Variants in SLC12A7 observed in about 807,000 individuals in gnomAD.
SLC12A7 encodes the protein K-Cl cotransporter 4.
SLC12A7 carries 100 observed loss-of-function variants against 120.6 expected under a neutral mutation model. The ratio of observed to expected loss-of-function variants is 0.83; its 90% confidence interval spans 0.71 to 0.98. The LOEUF is 0.98. Among genes scored for constraint, SLC12A7 ranks in the 50% least tolerant of loss-of-function variants. The pLI is 0.00. For missense variants in SLC12A7, 1,373 were observed against 1,548.1 expected (o/e 0.89, Z 1.90); for synonymous variants, 760 against 678.0 (o/e 1.12, Z -1.88).
At chr5:1,068,713 C>T (rs1737315301) in intron 17 of SLC12A7, among the ~76,000 whole-genome samples, 1 of 152,274 alleles carries the variant, frequency 6.6e-6, no homozygotes, top group South Asian at 2.1e-4. Context: ...CCAGACCCCC[C>T]AGCCGAAGGG....
At chr5:1,085,043 C>T (rs377695385) in intron 7 of SLC12A7, among the ~76,000 whole-genome samples, 189 bp downstream of exon 7, 19 of 152,362 alleles carry the variant, frequency 1.2e-4, no homozygotes, top group Middle Eastern at 3.4e-3. Flanking sequence ...GAGGGTACCT[C>T]GGCCCACCTC....
chr5:1,068,972 T>G (rs1199821079), intron 17 of SLC12A7, among the ~76,000 whole-genome samples: 1 of 152,262 alleles, frequency 6.6e-6, no homozygotes, highest in Non-Finnish European at 1.5e-5. Flanking sequence ...GGATTCCTCC[T>G]AAGAGCATTC....
chr5:1,085,789 T>G (rs887484974), intron 6 of SLC12A7, among the ~76,000 whole-genome samples: 1 of 152,040 alleles, frequency 6.6e-6, no homozygotes, highest in Non-Finnish European at 1.5e-5. Flanking sequence ...CCGGGAGCCT[T>G]AGAGTAAAGC....
At chr5:1,094,625 C>A (rs1276756488) in intron 1 of SLC12A7, among the ~76,000 whole-genome samples, 2 of 152,210 alleles carry the variant, frequency 1.3e-5, no homozygotes. Flanking sequence ...AGCTGTTCAG[C>A]CCAGGGCAAG....
At chr5:1,080,936 C>T (rs1396485091) in intron 9 of SLC12A7, among the ~76,000 whole-genome samples, 1 of 152,132 alleles carries the variant, frequency 6.6e-6, no homozygotes, top group African/African-American at 2.4e-5. Context: ...TCAGCCACTT[C>T]CCCTGAGCCA....
At chr5:1,080,761 C>CG (rs955565500) in intron 9 of SLC12A7, among the ~76,000 whole-genome samples, 27 of 152,202 alleles carry the variant, frequency 1.8e-4, no homozygotes, top group Non-Finnish European at 7.3e-5. Context: ...CACAGAGGGC[C>CG]GAGGTCCCCG....
At chr5:1,145,595 G>T in the SLC12A7 span, among the ~76,000 whole-genome samples, 71 of 152,264 alleles carry the variant, frequency 4.7e-4, no homozygotes, top group African/African-American at 1.7e-3. This position sits in a 1 kb window ranked among gnomAD's most constrained non-coding sequence, Gnocchi z 4.4. Flanking sequence ...AAACAGGAAG[G>T]TCCCTGGACA....
intron 3 of SLC12A7, 101 bp from the exon 4 acceptor site, chr5:1,089,229 G>T (rs1326888762): frequency 1.0e-5 from 12 of 1,155,040 alleles, no homozygotes; most frequent in Non-Finnish European, 1.3e-5. Flanking sequence ...AAGCGGCCGT[G>T]GGGGCAGGAG....
chr5:1,122,269 G>A, the SLC12A7 span, among the ~76,000 whole-genome samples: 1 of 152,130 alleles, frequency 6.6e-6, no homozygotes, highest in Admixed American at 6.5e-5. Flanking sequence ...CGGCAGGGCT[G>A]TGCGAGGCGG....
rs1738141795 is a variant in SLC12A7, at chr5:1,074,819, AC to A, written c.1968-149del. 3 of 703,684 alleles carry A rather than the reference AC, an allele frequency of 4.3e-6. No individual in the cohort carries two copies. In the Admixed American group the frequency reaches 7.5e-5, roughly 18 times the overall value. The allele number at this position is 703,684 out of a possible 1,614,324, so 43.6% of individuals were successfully genotyped here. On this transcript the variant is annotated intron_variant, in intron 15 of 23. Coordinates refer to ENST00000264930, the MANE Select transcript of SLC12A7 (RefSeq NM_006598.3). ...GATGAGGAGGGAGGCCTCCATGCCCACCCTTGCCCTGAAGGGAGCCCGTCCT... is the reference window on the plus strand; with the variant it reads ...GATGAGGAGGGAGGCCTCCATGCCCACCTTGCCCTGAAGGGAGCCCGTCCT...
rs888705875 is a variant in SLC12A7 at position 1,060,457 on chromosome 5, A to G, written c.2740-6T>C. On this transcript the variant is annotated splice_polypyrimidine_tract_variant and splice_region_variant and intron_variant, in intron 20 of 23. Transcript: ENST00000264930. ...GCAGATATGTCGTTTTCAACCTAGA[A>G]AGTTCCCAAGCACGTAGTAAGCCCG... 6 of 1,607,390 alleles carry G rather than the reference A, an allele frequency of 3.7e-6. No homozygotes were observed. Among genetic ancestry groups the G allele is most frequent in the Non-Finnish European group, 5.1e-6 (6 of 1,174,400 alleles).
At chr5:1,147,232 A>T in the SLC12A7 span, among the ~76,000 whole-genome samples, 2 of 141,956 alleles carry the variant, frequency 1.4e-5, no homozygotes, top group Non-Finnish European at 3.0e-5. Flanking sequence ...GACTCTCCTC[A>T]TCACGGCCCA....
At position 1,087,008 on chromosome 5, in the gene SLC12A7, C is replaced by T. The variant is rs142498901; in HGVS notation, c.570G>A (p.Ser190=). The T allele has an allele frequency of 9.4e-5, 151 of 1,612,668 alleles. No homozygotes were observed. The African/African-American group carries it at 1.6e-3, about 17-fold the overall frequency. Residue 190 remains serine, a synonymous_variant, in exon 6 of 24, where the codon TCG becomes TCA. Transcript: ENST00000264930. ...VPAGGSYYMI[S]RSLGPEFGGA... is the part of the protein sequence containing the mutation. ...CTCCAAACTCGGGTCCCAGCGAGCGCGATATCATGTAGTAGGACCCGCCAG... is the reference window on the plus strand; with the variant it reads ...CTCCAAACTCGGGTCCCAGCGAGCGTGATATCATGTAGTAGGACCCGCCAG...
rs994602571 is a variant in SLC12A7, at chr5:1,051,921, C to G, written c.*439G>C. On this transcript the variant is annotated 3_prime_UTR_variant, in exon 24 of 24. Coordinates refer to ENST00000264930, the MANE Select transcript of SLC12A7 (RefSeq NM_006598.3). ...TGAGCGGAGCCATGGCCAGGGCTGA[C>G]GTTTCACCTTCATCATCAGGGACAG... The G allele has an allele frequency of 5.4e-6, 1 of 186,280 alleles. No individual in the cohort carries two copies. Among genetic ancestry groups the G allele is most frequent in the Non-Finnish European group, 1.1e-5 (1 of 90,212 alleles). The allele number at this position is 186,280 out of a possible 1,614,324, so 11.5% of individuals were successfully genotyped here.
the SLC12A7 span, among the ~76,000 whole-genome samples, chr5:1,149,343 A>G: frequency 2.1e-4 from 32 of 152,296 alleles, no homozygotes; most frequent in Admixed American, 1.7e-3. Flanking sequence ...TTGGGAGGCC[A>G]AGGTGGGCAG....
the SLC12A7 span, among the ~76,000 whole-genome samples, chr5:1,150,634 C>A: frequency 6.6e-6 from 1 of 152,360 alleles, no homozygotes; most frequent in South Asian, 2.1e-4. Flanking sequence ...TGCGTTCAAG[C>A]ATTTTCTTTT....
chr5:1,154,586 G>C, the SLC12A7 span, among the ~76,000 whole-genome samples: 458 of 152,324 alleles, frequency 3.0e-3, 2 homozygotes, highest in Middle Eastern at 0.014. Context: ...TCCCGGCAGT[G>C]CTGCAGGAGG....
intron 6 of SLC12A7, 46 bp downstream of exon 6, chr5:1,086,857 T>A (rs1280763720): frequency 6.3e-7 from 1 of 1,599,672 alleles, no homozygotes; most frequent in South Asian, 1.1e-5. Flanking sequence ...CTTGGCATCC[T>A]GCCACAGACT....
chr5:1,084,308 C>A (rs1739565102), intron 7 of SLC12A7, among the ~76,000 whole-genome samples: 2 of 152,320 alleles, frequency 1.3e-5, no homozygotes, highest in East Asian at 3.9e-4. Context: ...AAACAATTCA[C>A]ACGTTTTCCA....
Sources: allele counts gnomAD v4.1 joint callset (sites outside exome capture counted in the v4.1 genomes callset), GRCh38; gene constraint gnomAD v4.1.1; non-coding constraint Gnocchi (gnomAD v3.1); transcripts MANE v1.5; gene names NCBI Gene and HGNC (gene_info 2026-07-23, HGNC 2026-07-21).